MARCHF1: variants seen among roughly 807,000 people sequenced by gnomAD.
MARCHF1 encodes membrane associated ring-CH-type finger 1, also known as E3 ubiquitin-protein ligase MARCHF1.
Under a neutral mutation model 54.2 loss-of-function variants are expected in MARCHF1, and 40 were observed. The observed-to-expected ratio is 0.74, with a 90% CI of 0.57 to 0.96. The LOEUF (loss-of-function observed/expected upper bound fraction) is 0.96. MARCHF1 is among the 40% of genes least tolerant of loss of function. MARCHF1 has a pLI of 0.00. For missense variants in MARCHF1, 586 were observed against 656.5 expected, an observed-to-expected ratio of 0.89 and a Z score of 1.17; for synonymous variants, 236 against 236.3, an observed-to-expected ratio of 1.00 and a Z score of 0.01.
intron 3 of MARCHF1, among the ~76,000 whole-genome samples, chr4:163,876,588 G>A (rs1243538266): frequency 6.6e-6 from 1 of 152,106 alleles, no homozygotes; most frequent in Non-Finnish European, 1.5e-5. Context: ...GCAGTTTAAA[G>A]TATTCTTATG....
At chr4:164,289,277 TTG>T (rs1293537954) in intron 1 of MARCHF1, among the ~76,000 whole-genome samples, 1 of 152,004 alleles carries the variant, frequency 6.6e-6, no homozygotes, top group African/African-American at 2.4e-5. Context: ...CCTAGGAAGA[TTG>T]TGAACCACTG....
At chr4:164,054,501 G>C (rs1224221376) in intron 2 of MARCHF1, among the ~76,000 whole-genome samples, 2 of 150,704 alleles carry the variant, frequency 1.3e-5, no homozygotes, top group African/African-American at 4.9e-5. Context: ...CATTATTCAC[G>C]ATAGCAAAGA....
chr4:164,272,821 G>C (rs972124107), intron 1 of MARCHF1, among the ~76,000 whole-genome samples: 2 of 151,384 alleles, frequency 1.3e-5, no homozygotes, highest in African/African-American at 4.8e-5. Context: ...CAATAAAAAT[G>C]AGAAAATAAA....
intron 4 of MARCHF1, among the ~76,000 whole-genome samples, chr4:163,809,579 A>G (rs1748325488): frequency 6.6e-6 from 1 of 152,186 alleles, no homozygotes; most frequent in East Asian, 1.9e-4. Flanking sequence ...AAAGGTCACA[A>G]TTTGTATTAA....
intron 1 of MARCHF1, among the ~76,000 whole-genome samples, chr4:164,134,069 A>C (rs1471898091): frequency 6.6e-6 from 1 of 152,206 alleles, no homozygotes; most frequent in Non-Finnish European, 1.5e-5. Context: ...CTCACTTAAT[A>C]ATTAGTTACA....
intron 1 of MARCHF1, among the ~76,000 whole-genome samples, chr4:164,171,995 G>A (rs1326405056): frequency 6.6e-6 from 1 of 152,232 alleles, no homozygotes; most frequent in African/African-American, 2.4e-5. Flanking sequence ...AGGTCACTAC[G>A]TCATAGCCCG....
At chr4:163,793,211 C>T (rs796498714) in intron 4 of MARCHF1, among the ~76,000 whole-genome samples, 1 of 152,168 alleles carries the variant, frequency 6.6e-6, no homozygotes, top group Non-Finnish European at 1.5e-5. Context: ...CAAGTTGCCA[C>T]GGCAATGCAA....
rs1316272330 is a variant in MARCHF1, at chr4:164,101,108, T to G, written c.-248+10480A>C. Among the ~76,000 whole-genome samples the G allele has an allele frequency of 2.6e-5, 4 of 151,950 alleles. No individual in the cohort carries two copies. The East Asian group carries it at 7.8e-4, about 29-fold the overall frequency. On this transcript the variant is annotated intron_variant, in intron 2 of 9. Transcript: ENST00000514618. ...TATATCCCGCACCTGGCTCGGAGGG[T>G]CCTACGCCCACGGAGTCTTGCTGAT... is the stretch of plus-strand genomic sequence containing the variant.
chr4:164,360,646 T>C (rs1162105234), intron 1 of MARCHF1, among the ~76,000 whole-genome samples: 4 of 152,118 alleles, frequency 2.6e-5, no homozygotes, highest in East Asian at 1.9e-4. Flanking sequence ...CAAATTTTCA[T>C]AGCCCTTCTA....
intron 3 of MARCHF1, among the ~76,000 whole-genome samples, chr4:163,962,188 A>T (rs1453831593): frequency 3.9e-5 from 6 of 151,968 alleles, no homozygotes; most frequent in African/African-American, 7.2e-5. Flanking sequence ...GAGATTTTCC[A>T]TTGGAAGCAA....
intron 3 of MARCHF1, among the ~76,000 whole-genome samples, chr4:163,892,970 T>C (rs898785406): frequency 2.6e-5 from 4 of 152,066 alleles, no homozygotes; most frequent in African/African-American, 4.8e-5. Context: ...CCTGTCTGCA[T>C]AGTGGATAGC....
Position 164,246,672 on chromosome 4 carries a change from C to A in MARCHF1, c.-322-135010G>T, listed in dbSNP as rs1389997225. 4.7e-4 allele frequency among the ~76,000 whole-genome samples: 22 copies of A among 46,470 alleles called. 4 individuals carry two copies. Among genetic ancestry groups the A allele is most frequent in the Admixed American group, 1.0e-3 (4 of 3,886 alleles). 30.5% of individuals were successfully genotyped at this position (46,470 alleles called of 152,430 possible). A position where few individuals can be genotyped will look rare whatever the true frequency, so the allele number is the denominator to read the frequency against. On this transcript the variant is annotated intron_variant, in intron 1 of 9. Coordinates refer to ENST00000514618, the MANE Select transcript of MARCHF1 (RefSeq NM_001394959.1). ...AACTACCATCAGAGTGAACAGGCAA[C>A]CTACAAAATGGGAGAAAATTTTCAC... is the stretch of plus-strand genomic sequence containing the variant.
intron 4 of MARCHF1, among the ~76,000 whole-genome samples, chr4:163,705,796 C>T (rs961828124): frequency 1.3e-5 from 2 of 151,928 alleles, no homozygotes; most frequent in Non-Finnish European, 2.9e-5. Context: ...AATTATTCAA[C>T]TTGTTTTAGA....
At chr4:163,892,021 A>G (rs1223117929) in intron 3 of MARCHF1, among the ~76,000 whole-genome samples, 2 of 152,170 alleles carry the variant, frequency 1.3e-5, no homozygotes, top group Non-Finnish European at 2.9e-5. Context: ...TTTAAAAAAA[A>G]CAAAGAACAA....
At chr4:163,607,539 A>T (rs1430239863) in intron 7 of MARCHF1, among the ~76,000 whole-genome samples, 1 of 152,092 alleles carries the variant, frequency 6.6e-6, no homozygotes, top group Non-Finnish European at 1.5e-5. Context: ...TAGAGGTGGG[A>T]CTTTGCCAGT....
intron 3 of MARCHF1, among the ~76,000 whole-genome samples, chr4:163,934,602 A>G (rs1383405755): frequency 1.5e-5 from 2 of 131,030 alleles, no homozygotes; most frequent in Non-Finnish European, 3.3e-5. Context: ...AAAAAAAAAA[A>G]GAAGCAACTC....
intron 1 of MARCHF1, among the ~76,000 whole-genome samples, chr4:164,207,687 G>A (rs919609700): frequency 6.6e-6 from 1 of 152,092 alleles, no homozygotes; most frequent in Non-Finnish European, 1.5e-5. Flanking sequence ...CAGTTGTAGG[G>A]GGAACGGGGG....
At chr4:163,540,760 G>A (rs546723236) in intron 9 of MARCHF1, among the ~76,000 whole-genome samples, 79 of 152,280 alleles carry the variant, frequency 5.2e-4, no homozygotes, top group Non-Finnish European at 9.6e-4. Context: ...GGTGGCTCAC[G>A]CCTGGAATCC....
At chr4:163,799,376 T>C (rs1419272134) in intron 4 of MARCHF1, among the ~76,000 whole-genome samples, 3 of 152,138 alleles carry the variant, frequency 2.0e-5, no homozygotes, top group Non-Finnish European at 4.4e-5. Context: ...ATATACATCT[T>C]ATAGCAAGCT....
Sources: gnomAD v4.1 joint callset for allele counts (sites outside exome capture counted in the v4.1 genomes callset) on GRCh38, gnomAD v4.1.1 for gene constraint, MANE v1.5 for transcripts, NCBI Gene and HGNC (gene_info 2026-07-23, HGNC 2026-07-21) for gene names.